Variants in TMEM87A observed in about 807,000 individuals in gnomAD.
The protein encoded by TMEM87A is transmembrane protein 87A, also known as Golgi-pH regulating cation channel.
TMEM87A carries 50 observed loss-of-function variants against 90.0 expected under a neutral mutation model. The observed-to-expected ratio is 0.56, with a 90% CI of 0.44 to 0.70. The LOEUF (loss-of-function observed/expected upper bound fraction) is 0.70. Ranked by LOEUF, TMEM87A falls within the 30% of genes least tolerant of loss-of-function variation. The pLI, the probability that TMEM87A is intolerant of heterozygous loss-of-function variation, is 0.00. For synonymous variants in TMEM87A, 226 were observed against 226.7 expected, an observed-to-expected ratio of 1.00 and a Z score of 0.03; for missense variants, 577 against 660.5, an observed-to-expected ratio of 0.87 and a Z score of 1.39.
chr15:42,252,359 T>C (rs946665255), intron 6 of TMEM87A, among the ~76,000 whole-genome samples: 1 of 151,992 alleles, frequency 6.6e-6, no homozygotes, highest in Non-Finnish European at 1.5e-5. Context: ...GACGGAGCTG[T>C]TCCTATTTGG....
chr15:42,236,291 G>T, intron 10 of TMEM87A, 29 bp downstream of exon 10: 1 of 1,560,276 alleles, frequency 6.4e-7, no homozygotes, highest in Non-Finnish European at 8.8e-7. Flanking sequence ...ATTTTAATTT[G>T]CTCTTCCATA....
chr15:42,217,656 T>G, intron 19 of TMEM87A, 147 bp downstream of exon 19: 1 of 685,276 alleles, frequency 1.5e-6, no homozygotes, highest in Non-Finnish European at 2.4e-6. Flanking sequence ...TCTATTAGTA[T>G]TTCTATTCTT....
intron 2 of TMEM87A, among the ~76,000 whole-genome samples, chr15:42,268,588 G>A (rs1487003874): frequency 2.0e-5 from 3 of 152,088 alleles, no homozygotes; most frequent in Non-Finnish European, 2.9e-5. Flanking sequence ...GATCACTTGA[G>A]CCCAGGAGGT....
chr15:42,222,855 C>T (rs1003512304), intron 15 of TMEM87A, among the ~76,000 whole-genome samples: 6 of 152,076 alleles, frequency 3.9e-5, no homozygotes, highest in South Asian at 2.1e-4. Context: ...CCATAGCGCC[C>T]GGCCTGATTG....
In TMEM87A at chr15:42,255,777, T is replaced by G. The variant is rs182206072; in HGVS notation, c.504+5181A>C. Among the ~76,000 whole-genome samples the G allele has an allele frequency of 9.4e-5, 14 of 148,256 alleles. No individual in the cohort carries two copies. The South Asian group carries it at 1.1e-3, about 11-fold the overall frequency. On this transcript the variant is annotated intron_variant, in intron 6 of 19. Coordinates refer to ENST00000389834, the MANE Select transcript of TMEM87A (RefSeq NM_015497.5). The stretch of plus-strand genomic sequence containing the variant: ...CTTCCATAAACATATAGATTTTTGT[T>G]TTTTTTTTTTTAGATGGAGTCTTGC...
chr15:42,249,364 T>C (rs1004072440), intron 6 of TMEM87A, among the ~76,000 whole-genome samples: 11 of 152,198 alleles, frequency 7.2e-5, no homozygotes, highest in African/African-American at 2.4e-4. Flanking sequence ...GCTCTTTTAA[T>C]TGTGATGTTA....
At chr15:42,273,437 C>CTCTTCCGGTTCGTCCCGCCT, upstream of TMEM87A, 1 of 1,611,568 alleles carries the variant, frequency 6.2e-7, no homozygotes, top group Admixed American at 1.7e-5. Flanking sequence ...GCATTTCACC[C>CTCTTCCGGTTCGTCCCGCCT]TCTTCCGGTT....
intron 18 of TMEM87A, 188 bp downstream of exon 18, chr15:42,218,135 A>C: frequency 1.5e-6 from 1 of 685,358 alleles, no homozygotes; most frequent in Non-Finnish European, 2.4e-6. Flanking sequence ...TACATAGCTA[A>C]ATCTTTCTAA....
intron 7 of TMEM87A, among the ~76,000 whole-genome samples, chr15:42,240,572 C>T (rs1348844920): frequency 6.6e-6 from 1 of 152,018 alleles, no homozygotes; most frequent in African/African-American, 2.4e-5. Context: ...CTTAGTAAAG[C>T]AAACATTGAC....
chr15:42,271,678 T>C (rs1295061126), intron 2 of TMEM87A: 1 of 155,850 alleles, frequency 6.4e-6, no homozygotes, highest in Admixed American at 6.5e-5. Context: ...AAGTATACTC[T>C]ATGATGTTTG....
intron 3 of TMEM87A, among the ~76,000 whole-genome samples, chr15:42,267,092 C>T (rs1035479401): frequency 5.3e-5 from 8 of 152,282 alleles, no homozygotes; most frequent in East Asian, 1.9e-4. Context: ...CTGAATTTAA[C>T]GGCTTCCAAA....
chr15:42,236,909 C>G (rs2050780728), intron 9 of TMEM87A, among the ~76,000 whole-genome samples: 1 of 152,144 alleles, frequency 6.6e-6, no homozygotes, highest in Non-Finnish European at 1.5e-5. Flanking sequence ...ATTAAATGGT[C>G]TGACAAGAAA....
chr15:42,249,291 C>T (rs899846867), intron 6 of TMEM87A, among the ~76,000 whole-genome samples: 1 of 152,170 alleles, frequency 6.6e-6, no homozygotes, highest in Non-Finnish European at 1.5e-5. Context: ...ATCAGTTCTG[C>T]TCTCATCTTA....
chr15:42,272,805 G>C (rs1229005472), intron 1 of TMEM87A: 1 of 382,828 alleles, frequency 2.6e-6, no homozygotes, highest in Non-Finnish European at 5.1e-6. Flanking sequence ...AAGCGAAGTC[G>C]AACCATCTCG....
rs186793493 is a variant in TMEM87A at position 42,222,770 on chromosome 15, G to A, written c.1404-2635C>T. ...AGATGAGGTTTCATCATGTTGGTCC[G>A]GCTGGTCTCGAACTCCTGACCTCAG... On this transcript the variant is annotated intron_variant, in intron 15 of 19. Transcript: ENST00000389834. 1.1e-3 allele frequency among the ~76,000 whole-genome samples: 165 copies of A among 149,532 alleles called. 1 individual carries two copies. The highest frequency in any genetic ancestry group is 3.8e-3 in the African/African-American group (156 of 40,660).
chr15:42,217,831 G>A lies in TMEM87A; in HGVS notation c.1598C>T (p.Ala533Val), dbSNP rs1173498938. The A allele has an allele frequency of 1.2e-6, 2 of 1,612,548 alleles. No individual in the cohort carries two copies. The highest frequency in any genetic ancestry group is 1.7e-5 in the Admixed American group (1 of 59,608). Residue 533 changes from alanine to valine, a missense_variant and splice_region_variant, in exon 19 of 20, where the codon GCA becomes GTA. Coordinates refer to ENST00000389834, the MANE Select transcript of TMEM87A (RefSeq NM_015497.5). ...ENVPSSVTDV[A>V]LPALLDSDEE... ...ATCTGAATCCAGAAGGGCTGGAAGT[G>A]CTCTGCAAAGAGAGAGAAATACTAA...
chr15:42,218,230 T>G (rs1195713604), intron 18 of TMEM87A, 93 bp downstream of exon 18: 4 of 1,221,728 alleles, frequency 3.3e-6, no homozygotes, highest in Non-Finnish European at 4.7e-6. Context: ...CAGTATCTTG[T>G]ATTTTCATGA....
chr15:42,217,236 G>A (rs2140911634), intron 19 of TMEM87A, among the ~76,000 whole-genome samples: 1 of 152,286 alleles, frequency 6.6e-6, no homozygotes, highest in Non-Finnish European at 1.5e-5. Context: ...TTACAGGCAT[G>A]AGCCACTATA....
At chr15:42,222,910 C>T (rs1389399399) in intron 15 of TMEM87A, among the ~76,000 whole-genome samples, 1 of 152,046 alleles carries the variant, frequency 6.6e-6, no homozygotes, top group African/African-American at 2.4e-5. Flanking sequence ...TTGAAATCAC[C>T]TTAGGCTAGA....
Sources: allele counts gnomAD v4.1 joint callset (sites outside exome capture counted in the v4.1 genomes callset), GRCh38; gene constraint gnomAD v4.1.1; transcripts MANE v1.5; gene names NCBI Gene and HGNC (gene_info 2026-07-23, HGNC 2026-07-21).